Variants in ANO4 observed in about 807,000 individuals in gnomAD.
ANO4 encodes anoctamin 4, also known as anoctamin-4.
A neutral mutation model predicts 141.9 loss-of-function variants in ANO4; 69 were observed. The observed-to-expected ratio is 0.49, with a 90% CI of 0.40 to 0.59. ANO4 has a LOEUF of 0.59. Ranked by LOEUF, ANO4 falls within the 20% of genes least tolerant of loss-of-function variation. The pLI is 0.00. For missense variants in ANO4, 894 were observed against 1,162.2 expected, an observed-to-expected ratio of 0.77 and a Z score of 3.36; for synonymous variants, 350 against 394.3, an observed-to-expected ratio of 0.89 and a Z score of 1.33.
At chr12:100,935,311 A>G (rs1408592953) in intron 3 of ANO4, among the ~76,000 whole-genome samples, 1 of 152,124 alleles carries the variant, frequency 6.6e-6, no homozygotes, top group Non-Finnish European at 1.5e-5. Flanking sequence ...AGGGCTGTTG[A>G]ATTTTGTTGA....
intron 14 of ANO4, among the ~76,000 whole-genome samples, chr12:101,054,577 G>T (rs1252245508): frequency 6.6e-6 from 1 of 152,184 alleles, no homozygotes; most frequent in African/African-American, 2.4e-5. Context: ...TCGGCTCATT[G>T]CAAGCTCCGC....
chr12:100,773,373 G>T (rs1477062588), intron 3 of ANO4, among the ~76,000 whole-genome samples: 4 of 152,216 alleles, frequency 2.6e-5, no homozygotes, highest in Non-Finnish European at 4.4e-5. Flanking sequence ...TGTGTTCTCA[G>T]AGAGCCAGGC....
intron 1 of ANO4, among the ~76,000 whole-genome samples, chr12:100,718,235 A>G (rs1288044943): frequency 6.6e-6 from 1 of 152,216 alleles, no homozygotes; most frequent in Non-Finnish European, 1.5e-5. Context: ...TCAGCTAGAA[A>G]TCCTAGCGCG....
intron 1 of ANO4, among the ~76,000 whole-genome samples, chr12:100,805,847 T>A (rs1466157109): frequency 6.6e-6 from 1 of 152,206 alleles, no homozygotes; most frequent in Non-Finnish European, 1.5e-5. Context: ...ATTTTAAGTC[T>A]GTATCATAGA....
chr12:101,033,387 C>T (rs1227959819), intron 9 of ANO4, among the ~76,000 whole-genome samples: 2 of 151,952 alleles, frequency 1.3e-5, no homozygotes, highest in Admixed American at 6.6e-5. Context: ...CTAGTGGGTG[C>T]AGCACACCAG....
chr12:101,060,528 G>A (rs1407320741), intron 14 of ANO4, among the ~76,000 whole-genome samples: 1 of 152,102 alleles, frequency 6.6e-6, no homozygotes, highest in Non-Finnish European at 1.5e-5. Context: ...CTTTTTGTAG[G>A]TCTCTAAGAA....
chr12:100,963,300 T>A (rs1349654335), intron 5 of ANO4, among the ~76,000 whole-genome samples: 3 of 152,178 alleles, frequency 2.0e-5, no homozygotes, highest in Admixed American at 1.3e-4. Flanking sequence ...AGAATGAGAC[T>A]AGAGCCTGGA....
At chr12:100,986,349 A>G (rs1384134338) in intron 7 of ANO4, among the ~76,000 whole-genome samples, 1 of 152,158 alleles carries the variant, frequency 6.6e-6, no homozygotes, top group African/African-American at 2.4e-5. Context: ...TTCCATCTCA[A>G]GCAGACAGCA....
chr12:100,905,812 G>C (rs2040820326), intron 2 of ANO4, among the ~76,000 whole-genome samples: 1 of 152,208 alleles, frequency 6.6e-6, no homozygotes. Flanking sequence ...GCATCAGTGA[G>C]AGGATGAGAG....
At chr12:101,090,560 G>A (rs942216155) in intron 17 of ANO4, among the ~76,000 whole-genome samples, 3 of 152,112 alleles carry the variant, frequency 2.0e-5, no homozygotes, top group East Asian at 3.9e-4. Context: ...AGAACACATG[G>A]ACACAGGGTG....
intron 1 of ANO4, among the ~76,000 whole-genome samples, chr12:100,718,446 C>T (rs533931771): frequency 6.6e-6 from 1 of 152,234 alleles, no homozygotes; most frequent in South Asian, 2.1e-4. Context: ...AAGCTGTGAG[C>T]AATTGATGGG....
chr12:101,064,764 C>T (rs1052988624), intron 14 of ANO4, among the ~76,000 whole-genome samples: 14 of 151,742 alleles, frequency 9.2e-5, no homozygotes, highest in East Asian at 1.9e-4. Context: ...CTATCAACAA[C>T]GGTCCAAAAA....
intron 25 of ANO4, among the ~76,000 whole-genome samples, chr12:101,118,317 T>C (rs2050939298): frequency 1.3e-5 from 2 of 152,190 alleles, no homozygotes; most frequent in South Asian, 4.1e-4. Context: ...TCTTCCTGCC[T>C]GTCTCACATA....
chr12:100,920,675 G>C (rs899367517), intron 2 of ANO4, among the ~76,000 whole-genome samples: 1 of 152,170 alleles, frequency 6.6e-6, no homozygotes, highest in Admixed American at 6.6e-5. Flanking sequence ...CATCTGAAAA[G>C]TTCACTGCTG....
At chr12:100,867,202 C>T (rs947047988) in intron 1 of ANO4, among the ~76,000 whole-genome samples, 1 of 152,108 alleles carries the variant, frequency 6.6e-6, no homozygotes, top group Non-Finnish European at 1.5e-5. Context: ...TCACTTGGTT[C>T]AGTTTATGAC....
intron 11 of ANO4, among the ~76,000 whole-genome samples, chr12:101,040,612 A>G (rs2047375200): frequency 6.6e-6 from 1 of 151,870 alleles, no homozygotes; most frequent in African/African-American, 2.4e-5. Flanking sequence ...ATGTTTTTTT[A>G]TTATTATTAT....
At chr12:100,946,972 A>G (rs1416440196) in intron 5 of ANO4, among the ~76,000 whole-genome samples, 2 of 152,210 alleles carry the variant, frequency 1.3e-5, no homozygotes, top group Non-Finnish European at 2.9e-5. Context: ...GGATTTAGCA[A>G]TATGGCAGGT....
intron 8 of ANO4, among the ~76,000 whole-genome samples, chr12:101,004,150 G>C (rs1447436133): frequency 1.3e-4 from 1 of 7,498 alleles, no homozygotes; most frequent in Non-Finnish European, 2.3e-4. Flanking sequence ...AGGATACTGT[G>C]GGGGAAGTGA....
chr12:100,882,907 G>T (rs1417899905), intron 1 of ANO4, among the ~76,000 whole-genome samples: 1 of 152,026 alleles, frequency 6.6e-6, no homozygotes, highest in African/African-American at 2.4e-5. Context: ...CTCCATGTTG[G>T]CCAGGCTGGT....
Sources: allele counts gnomAD v4.1 joint callset (sites outside exome capture counted in the v4.1 genomes callset), GRCh38; gene constraint gnomAD v4.1.1; transcripts MANE v1.5; gene names NCBI Gene and HGNC (gene_info 2026-07-23, HGNC 2026-07-21).